Variants in ZDHHC19 observed in about 807,000 individuals in gnomAD.
ZDHHC19 encodes the protein zDHHC palmitoyltransferase 19.
A neutral mutation model predicts 33.9 loss-of-function variants in ZDHHC19; 30 were observed. The ratio of observed to expected loss-of-function variants is 0.88; its 90% confidence interval spans 0.66 to 1.20. ZDHHC19 has a LOEUF of 1.20. Ranked by LOEUF, ZDHHC19 falls within the 50% of genes most tolerant of loss-of-function variation. The pLI is 0.00. For synonymous variants in ZDHHC19, 178 were observed against 167.6 expected, an observed-to-expected ratio of 1.06 and a Z score of -0.48; for missense variants, 364 against 401.1, an observed-to-expected ratio of 0.91 and a Z score of 0.79.
At chr3:196,200,113 T>C (rs1722147661) in intron 5 of ZDHHC19, among the ~76,000 whole-genome samples, 1 of 150,780 alleles carries the variant, frequency 6.6e-6, no homozygotes, top group Non-Finnish European at 1.5e-5. Flanking sequence ...CTTTCATCTC[T>C]AAAAAAATAA....
At chr3:196,198,160 G>T in intron 7 of ZDHHC19, 116 bp downstream of exon 7, 1 of 1,053,234 alleles carries the variant, frequency 9.5e-7, no homozygotes, top group Non-Finnish European at 1.3e-6. Context: ...CCCAAGCTCG[G>T]AGCGCTCCAG....
chr3:196,208,958 C>T, intron 3 of ZDHHC19: 1 of 272,758 alleles, frequency 3.7e-6, no homozygotes, highest in Non-Finnish European at 7.0e-6. Flanking sequence ...GCAAGCCGTG[C>T]TCTCGAGAGA....
chr3:196,204,529 C>A (rs1722589399), intron 5 of ZDHHC19, among the ~76,000 whole-genome samples: 1 of 152,084 alleles, frequency 6.6e-6, no homozygotes, highest in Non-Finnish European at 1.5e-5. Context: ...GGAAACAATA[C>A]AATTTTTTAA....
chr3:196,208,121 G>C (rs1164195994), intron 4 of ZDHHC19, among the ~76,000 whole-genome samples: 1 of 151,672 alleles, frequency 6.6e-6, no homozygotes, highest in Non-Finnish European at 1.5e-5. Context: ...GGCTGGTCTG[G>C]GTCTCGGGCT....
chr3:196,199,003 A>G, intron 5 of ZDHHC19, 129 bp from the exon 6 acceptor site: 1 of 801,580 alleles, frequency 1.2e-6, no homozygotes, highest in Non-Finnish European at 2.1e-6. Flanking sequence ...GCTGGAGGCC[A>G]GGAGACTGAA....
In ZDHHC19 at chr3:196,211,308, A is replaced by G. The variant is rs755924640; in HGVS notation, c.8T>C (p.Leu3Pro). 5.6e-6 allele frequency: 9 copies of G among 1,610,760 alleles called. No individual in the cohort carries two copies. The highest frequency in any genetic ancestry group is 3.3e-5 in the Admixed American group (2 of 59,760). Residue 3 changes from leucine (L) to proline (P), a missense_variant, in exon 1 of 8, where the codon CTC becomes CCC. Physicochemically the swap from Leu to Pro is moderately conservative, Grantham distance 98 (BLOSUM62 -3). Coordinates refer to ENST00000296326, the MANE Select transcript of ZDHHC19 (RefSeq NM_001039617.2). MTLLTDATPLVKE... is the reference protein window; with the variant it reads MTPLTDATPLVKE... ...CACCAGCGGCGTGGCATCCGTTAAG[A>G]GTGTCATGGCTGGGCCTCCTTCGCC...
intron 2 of ZDHHC19, among the ~76,000 whole-genome samples, chr3:196,209,914 G>A (rs562236414): frequency 1.3e-5 from 2 of 152,328 alleles, no homozygotes; most frequent in East Asian, 1.9e-4. Context: ...GGGTAGGGCC[G>A]GGCGCGGGGG....
chr3:196,210,968 G>A (rs746558283), intron 1 of ZDHHC19, among the ~76,000 whole-genome samples: 2 of 151,718 alleles, frequency 1.3e-5, no homozygotes, highest in African/African-American at 2.4e-5. Context: ...TTTGCACGTC[G>A]GTTCCTGGAA....
chr3:196,206,204 AC>A (rs925491254), intron 5 of ZDHHC19, among the ~76,000 whole-genome samples: 11 of 151,314 alleles, frequency 7.3e-5, no homozygotes, highest in African/African-American at 2.7e-4. Context: ...GGTGTGCCCC[AC>A]CACACCTGGC....
At position 196,210,378 on chromosome 3, in the gene ZDHHC19, G is replaced by A. The variant is rs201198555; in HGVS notation, c.268+238C>T. 5.7e-3 allele frequency among the ~76,000 whole-genome samples: 488 copies of A among 85,102 alleles called. 21 individuals are homozygous for A. In the South Asian group the frequency reaches 0.11, roughly 19 times the overall value. The allele number at this position is 85,102 out of a possible 152,430, so 55.8% of individuals were successfully genotyped here. On this transcript the variant is annotated intron_variant, in intron 2 of 7. Coordinates refer to ENST00000296326, the MANE Select transcript of ZDHHC19 (RefSeq NM_001039617.2). ...AAAGAAAGAAGGAAGGAAGGAAAGA[G>A]AGAGGAAGGAAGGAAAGAAAGAGGG...
intron 2 of ZDHHC19, among the ~76,000 whole-genome samples, chr3:196,210,308 GGAAGAAAGGAAA>G (rs1341499902): frequency 1.3e-3 from 142 of 112,846 alleles, no homozygotes; most frequent in African/African-American, 2.7e-3. Flanking sequence ...GAAAGAGAGA[GGAAGAAAGGAAA>G]GAAGGAAAGA....
At chr3:196,207,337 G>T in intron 5 of ZDHHC19, 61 bp downstream of exon 5, 1 of 1,455,732 alleles carries the variant, frequency 6.9e-7, no homozygotes, top group Non-Finnish European at 9.3e-7. Flanking sequence ...GGGCAGTGGA[G>T]AAAGCGCGGG....
At chr3:196,202,182 G>T (rs1284733920) in intron 5 of ZDHHC19, among the ~76,000 whole-genome samples, 1 of 152,120 alleles carries the variant, frequency 6.6e-6, no homozygotes, top group Admixed American at 6.6e-5. Flanking sequence ...TTAGTAGGGT[G>T]TGGTGGTGCA....
At position 196,208,539 on chromosome 3, in the gene ZDHHC19, AC is replaced by A. The variant is rs1303391400; in HGVS notation, c.429del (p.Lys143AsnfsTer71). The A allele has an allele frequency of 6.2e-7, 1 of 1,614,026 alleles. No individual in the cohort carries two copies. The highest frequency in any genetic ancestry group is 1.1e-5 in the South Asian group (1 of 91,082). On this transcript the variant is annotated frameshift_variant, in exon 4 of 8. Transcript: ENST00000296326. LOFTEE classifies it high-confidence loss of function. ...ICVEDFDHHC[K>X]WVNNCIGHRN... ...CGGTGACCGATGCAGTTATTGACCC[AC>A]TTGCAGTGGTGGTCAAAGTCCTGGG... is the stretch of plus-strand genomic sequence containing the variant.
Position 196,198,277 on chromosome 3 carries a change from TCCTGGAGAG to T in ZDHHC19, c.*9_*17del. 6.7e-7 allele frequency: 1 copy of T among 1,497,916 alleles called. No individual in the cohort carries two copies. The highest frequency in any genetic ancestry group is 8.9e-7 in the Non-Finnish European group (1 of 1,124,706). 92.8% of individuals were successfully genotyped at this position (1,497,916 alleles called of 1,614,324 possible). Reference sequence around the variant, plus strand: ...CCCACGCACACACACGCTTCTTACCTCCTGGAGAGCTGCAGCCTCACCACGCCCCGGGGG... The same window carrying T: ...CCCACGCACACACACGCTTCTTACCTCTGCAGCCTCACCACGCCCCGGGGG... On this transcript the variant is annotated splice_region_variant and 3_prime_UTR_variant, in exon 7 of 8. Transcript: ENST00000296326.
At chr3:196,200,508 C>G (rs538851208) in intron 5 of ZDHHC19, among the ~76,000 whole-genome samples, 1 of 150,178 alleles carries the variant, frequency 6.7e-6, no homozygotes, top group African/African-American at 2.5e-5. Context: ...GTGCTCGCCA[C>G]CACGCCCAGC....
At chr3:196,209,233 G>A (rs1723018158) in intron 3 of ZDHHC19, 143 bp downstream of exon 3, 2 of 1,177,870 alleles carry the variant, frequency 1.7e-6, no homozygotes, top group African/African-American at 3.1e-5. Context: ...AGTGACCAAG[G>A]GTGGCTGGGA....
intron 5 of ZDHHC19, among the ~76,000 whole-genome samples, chr3:196,205,580 C>T (rs142721026): frequency 1.8e-4 from 27 of 152,208 alleles, no homozygotes; most frequent in African/African-American, 6.3e-4. Flanking sequence ...GGACTGTATC[C>T]GTGTGTCAGA....
intron 5 of ZDHHC19, among the ~76,000 whole-genome samples, chr3:196,206,679 CTT>C (rs10578928): frequency 0.47 from 52,558 of 112,470 alleles, 11,350 homozygotes; most frequent in Admixed American, 0.5. Flanking sequence ...CTTTTCTTTT[CTT>C]TTTTTTTTTT....
Sources: allele counts gnomAD v4.1 joint callset (sites outside exome capture counted in the v4.1 genomes callset), GRCh38; gene constraint gnomAD v4.1.1; transcripts MANE v1.5; gene names NCBI Gene and HGNC (gene_info 2026-07-23, HGNC 2026-07-21).